The following LAMA3 variants were observed in gnomAD, a reference collection of about 807,000 sequenced individuals.
LAMA3 encodes laminin subunit alpha-3.
In LAMA3, 281 loss-of-function variants were observed where a neutral mutation model predicts 402.0. The ratio of observed to expected loss-of-function variants is 0.70; its 90% confidence interval spans 0.63 to 0.77. The LOEUF (loss-of-function observed/expected upper bound fraction) is 0.77, where lower values mean the gene tolerates loss of function less well. Ranked by LOEUF, LAMA3 falls within the 30% of genes least tolerant of loss-of-function variation. The pLI is 0.00. For missense variants in LAMA3, 3,840 were observed against 4,215.5 expected (o/e 0.91, Z 2.47); for synonymous variants, 1,431 against 1,558.4 (o/e 0.92, Z 1.93).
At chr18:23,756,801 G>A (rs997841503) in intron 6 of LAMA3, among the ~76,000 whole-genome samples, 2 of 152,184 alleles carry the variant, frequency 1.3e-5, no homozygotes, top group African/African-American at 4.8e-5. Context: ...GGAGTGCCAA[G>A]ACTCAGGGAG....
At position 23,899,443 on chromosome 18, in the gene LAMA3, G is replaced by T. The variant is rs2145107064; in HGVS notation, c.5992G>T (p.Glu1998Ter). The stretch of plus-strand genomic sequence containing the variant: ...CAGAGAAGCAGAAGCTGATAAAAGG[G>T]AGTCGCAGCTCTGTAAGAATGCTCC... ...HLREAEADKRESQLLLNRIRT... is the reference protein window; with the variant it reads ...HLREAEADKR Residue 1998 changes from glutamate to a stop codon, truncating the protein, a stop_gained, in exon 47 of 75, where the codon GAG becomes TAG. Coordinates refer to ENST00000313654, the MANE Select transcript of LAMA3 (RefSeq NM_198129.4). LOFTEE classifies it high-confidence loss of function. The T allele has an allele frequency of 6.2e-7, 1 of 1,614,086 alleles. No homozygotes were observed. The highest frequency in any genetic ancestry group is 8.5e-7 in the Non-Finnish European group (1 of 1,179,974).
intron 5 of LAMA3, among the ~76,000 whole-genome samples, chr18:23,752,217 A>G (rs1470187932): frequency 6.6e-6 from 1 of 152,042 alleles, no homozygotes; most frequent in Non-Finnish European, 1.5e-5. Flanking sequence ...ATGGATATTT[A>G]CAAGGGAGGG....
At chr18:23,886,703 T>C (rs937537316) in intron 41 of LAMA3, among the ~76,000 whole-genome samples, 1 of 152,108 alleles carries the variant, frequency 6.6e-6, no homozygotes, top group African/African-American at 2.4e-5. Context: ...TTTAAAAGAG[T>C]TTGACTAATT....
chr18:23,902,665 G>A (rs1017457252), intron 48 of LAMA3, among the ~76,000 whole-genome samples: 6 of 152,206 alleles, frequency 3.9e-5, no homozygotes, highest in Non-Finnish European at 8.8e-5. Flanking sequence ...GGTACTGGCT[G>A]ATGGTTAGTG....
rs1271925428 is a variant in LAMA3, at chr18:23,879,020, C to G, written c.5112+2613C>G. Among the ~76,000 whole-genome samples the G allele has an allele frequency of 6.6e-6, 1 of 151,924 alleles. No individual in the cohort carries two copies. Among genetic ancestry groups the G allele is most frequent in the Non-Finnish European group, 1.5e-5 (1 of 67,992 alleles). On this transcript the variant is annotated intron_variant, in intron 39 of 74. Coordinates refer to ENST00000313654, the MANE Select transcript of LAMA3 (RefSeq NM_198129.4). The surrounding 1 kb of genome is among the most constrained non-coding windows in gnomAD (Gnocchi z 4.2). The stretch of plus-strand genomic sequence containing the variant: ...CTTCCTCTCTACTATCCCCGTCACC[C>G]CTTATTTTCCTCTCCGTTCCTATTT...
intron 1 of LAMA3, among the ~76,000 whole-genome samples, chr18:23,705,450 T>TACACACACACACACAC (rs35025245): frequency 5.0e-4 from 73 of 145,494 alleles, no homozygotes; most frequent in African/African-American, 1.7e-3. Context: ...TATCATGACA[T>TACACACACACACACAC]ACACACACAC....
intron 2 of LAMA3, among the ~76,000 whole-genome samples, chr18:23,714,589 T>G (rs1252014049): frequency 1.3e-5 from 2 of 152,140 alleles, no homozygotes; most frequent in African/African-American, 2.4e-5. Context: ...TCCCTGTCTA[T>G]TAAATGAGAT....
chr18:23,726,377 T>A (rs2061300695), intron 2 of LAMA3, among the ~76,000 whole-genome samples: 1 of 151,944 alleles, frequency 6.6e-6, no homozygotes, highest in Admixed American at 6.6e-5. Context: ...TGCTGTGGAG[T>A]GAGGCGAGGG....
At chr18:23,946,409 A>T (rs758434526) in intron 70 of LAMA3, 125 bp downstream of exon 70, 14 of 1,092,706 alleles carry the variant, frequency 1.3e-5, no homozygotes, top group Non-Finnish European at 1.9e-5. Context: ...ATTTTTAAGG[A>T]TCTAATTAAT....
chr18:23,880,171 A>G lies in LAMA3; in HGVS notation c.5113-1765A>G, dbSNP rs548946971. Among the ~76,000 whole-genome samples, 169 of 152,286 alleles carry G rather than the reference A, an allele frequency of 1.1e-3. 1 individual carries two copies. The highest frequency in any genetic ancestry group is 9.8e-3 in the Admixed American group (150 of 15,298). On this transcript the variant is annotated intron_variant, in intron 39 of 74. Transcript: ENST00000313654. Reference sequence around the variant, plus strand: ...GAGGACTCCTCTGTGGAGCTAATCAACTGCAAGGAAGATTGTTCCCAGTGT... The same window carrying G: ...GAGGACTCCTCTGTGGAGCTAATCAGCTGCAAGGAAGATTGTTCCCAGTGT...
chr18:23,762,086 C>T (rs1424801959), intron 7 of LAMA3, among the ~76,000 whole-genome samples: 2 of 152,002 alleles, frequency 1.3e-5, no homozygotes, highest in African/African-American at 2.4e-5. Context: ...CATGATGGCA[C>T]GTGTCTGTGG....
chr18:23,705,980 CT>C (rs1265749205), intron 1 of LAMA3, among the ~76,000 whole-genome samples: 2 of 152,068 alleles, frequency 1.3e-5, no homozygotes, highest in African/African-American at 4.8e-5. Context: ...TTTATTAATA[CT>C]TTGCTTTTTT....
chr18:23,946,594 G>A, intron 70 of LAMA3: 1 of 329,922 alleles, frequency 3.0e-6, no homozygotes, highest in Non-Finnish European at 5.6e-6. Flanking sequence ...TTAGGTTATA[G>A]ACAGAGATTT....
intron 12 of LAMA3, chr18:23,796,198 G>C (rs555589323): frequency 3.6e-5 from 10 of 278,976 alleles, no homozygotes; most frequent in South Asian, 3.0e-4. Flanking sequence ...TGACTAATAC[G>C]TATCCTTCTA....
chr18:23,868,712 TCAA>T (rs568141453), intron 37 of LAMA3, among the ~76,000 whole-genome samples: 74 of 152,320 alleles, frequency 4.9e-4, no homozygotes, highest in African/African-American at 1.7e-3. Context: ...TGGTTAATGT[TCAA>T]CATATGCTTA....
At chr18:23,703,987 C>G (rs970569493) in intron 1 of LAMA3, among the ~76,000 whole-genome samples, 1 of 152,208 alleles carries the variant, frequency 6.6e-6, no homozygotes, top group Admixed American at 6.5e-5. Context: ...CCCAGGATGT[C>G]CTATACATCA....
At chr18:23,921,400 T>TA in intron 61 of LAMA3, 52 bp from the exon 62 acceptor site, 1 of 1,594,358 alleles carries the variant, frequency 6.3e-7, no homozygotes, top group Non-Finnish European at 8.6e-7. Flanking sequence ...CCCCTGTGAA[T>TA]AGGATTCTCT....
chr18:23,740,906 C>G (rs2061551000), intron 2 of LAMA3, among the ~76,000 whole-genome samples: 2 of 151,942 alleles, frequency 1.3e-5, no homozygotes, highest in African/African-American at 4.8e-5. Context: ...CTTCTGGGAA[C>G]CAGTAAGAGG....
chr18:23,937,371 C>CAAAAA (rs58274189), intron 67 of LAMA3, among the ~76,000 whole-genome samples: 4 of 92,918 alleles, frequency 4.3e-5, no homozygotes, highest in Admixed American at 1.2e-4. Flanking sequence ...TTCTCAAAAG[C>CAAAAA]AAAAAAAAAA....
Sources: gnomAD v4.1 joint callset for allele counts (sites outside exome capture counted in the v4.1 genomes callset) on GRCh38, gnomAD v4.1.1 for gene constraint, Gnocchi (gnomAD v3.1) non-coding constraint, MANE v1.5 for transcripts, NCBI Gene and HGNC (gene_info 2026-07-23, HGNC 2026-07-21) for gene names.